Variants in ACTR3C observed in about 807,000 individuals in gnomAD.
ACTR3C encodes the protein actin related protein 3C.
ACTR3C carries 18 observed loss-of-function variants against 26.3 expected under a neutral mutation model. The observed-to-expected ratio is 0.68, with a 90% CI of 0.47 to 1.01. The LOEUF (loss-of-function observed/expected upper bound fraction) is 1.01, where lower values mean the gene tolerates loss of function less well. ACTR3C is among the 50% of genes least tolerant of loss of function. The probability of loss-of-function intolerance (pLI) is 0.00; values close to 1 mark genes in which losing one functional copy is unlikely to be tolerated. For synonymous variants in ACTR3C, 55 were observed against 94.5 expected, an observed-to-expected ratio of 0.58 and a Z score of 2.42; for missense variants, 184 against 250.7, an observed-to-expected ratio of 0.73 and a Z score of 1.80.
At chr7:150,029,426 A>AAAAAAC in the ACTR3C span, among the ~76,000 whole-genome samples, 20 of 129,608 alleles carry the variant, frequency 1.5e-4, no homozygotes, top group East Asian at 4.4e-4. Context: ...AACAAACAAA[A>AAAAAAC]AAAAACCATG....
the ACTR3C span, among the ~76,000 whole-genome samples, chr7:150,204,728 C>T: frequency 1.3e-5 from 2 of 151,832 alleles, no homozygotes; most frequent in Non-Finnish European, 1.5e-5. Context: ...TTGACGAGTG[C>T]AGAGGAGGAG....
chr7:150,000,350 A>T, the ACTR3C span, among the ~76,000 whole-genome samples: 4 of 120,994 alleles, frequency 3.3e-5, no homozygotes, highest in African/African-American at 9.2e-5. Flanking sequence ...ATCCATAATC[A>T]TTCTTATATA....
the ACTR3C span, among the ~76,000 whole-genome samples, chr7:150,130,000 AAT>A: frequency 6.6e-6 from 1 of 152,220 alleles, no homozygotes; most frequent in East Asian, 1.9e-4. Context: ...AATGGAACAG[AAT>A]AGAGTCCAGA....
the ACTR3C span, among the ~76,000 whole-genome samples, chr7:150,040,956 G>A: frequency 1.3e-5 from 2 of 150,340 alleles, 1 homozygote; most frequent in African/African-American, 5.0e-5. Context: ...TGCTGCCAAA[G>A]CCCTCAAATA....
the ACTR3C span, among the ~76,000 whole-genome samples, chr7:150,112,347 G>T: frequency 1.3e-5 from 2 of 152,206 alleles, no homozygotes; most frequent in Non-Finnish European, 2.9e-5. Context: ...ATGAATAACG[G>T]TAACACTGTC....
the ACTR3C span, among the ~76,000 whole-genome samples, chr7:149,998,169 C>T: frequency 6.6e-6 from 1 of 151,000 alleles, no homozygotes; most frequent in East Asian, 2.1e-4. Flanking sequence ...CTGTGGCAAG[C>T]AGAGCCAATC....
At chr7:150,207,628 GATAA>G in the ACTR3C span, among the ~76,000 whole-genome samples, 8,534 of 151,068 alleles carry the variant, frequency 0.056, 781 homozygotes, top group African/African-American at 0.2. Flanking sequence ...AAAAAGGGGA[GATAA>G]ATACTTACCT....
At chr7:150,297,851 C>CAAA (rs35970305) in intron 1 of ACTR3C, among the ~76,000 whole-genome samples, 50 of 86,862 alleles carry the variant, frequency 5.8e-4, no homozygotes, top group East Asian at 9.7e-4. Flanking sequence ...GACTCCGTCT[C>CAAA]AAAAAAAAAA....
At chr7:149,898,887 C>T in the ACTR3C span, among the ~76,000 whole-genome samples, 1 of 151,588 alleles carries the variant, frequency 6.6e-6, no homozygotes, top group Non-Finnish European at 1.5e-5. Flanking sequence ...AAGATGTGGC[C>T]CAAACAGTTC....
the ACTR3C span, among the ~76,000 whole-genome samples, chr7:150,142,382 A>G: frequency 6.6e-6 from 1 of 152,172 alleles, no homozygotes; most frequent in Non-Finnish European, 1.5e-5. Context: ...TCAGGACAAC[A>G]TTGGAAAAAT....
At chr7:150,267,776 C>T (rs1287641125) in intron 6 of ACTR3C, among the ~76,000 whole-genome samples, 1 of 152,156 alleles carries the variant, frequency 6.6e-6, no homozygotes, top group East Asian at 1.9e-4. Flanking sequence ...GAAGGGACTC[C>T]TGTATATGAA....
chr7:150,305,394 G>A (rs1189497190), intron 1 of ACTR3C, among the ~76,000 whole-genome samples: 1 of 152,058 alleles, frequency 6.6e-6, no homozygotes, highest in Non-Finnish European at 1.5e-5. Flanking sequence ...GACTCTGTGT[G>A]CCATAGGTGT....
intron 6 of ACTR3C, among the ~76,000 whole-genome samples, chr7:150,280,723 G>A (rs920360446): frequency 8.5e-5 from 13 of 152,072 alleles, no homozygotes; most frequent in East Asian, 7.8e-4. Context: ...ATTGTGGTAA[G>A]CATTCCACGA....
intron 6 of ACTR3C, among the ~76,000 whole-genome samples, chr7:150,279,147 A>C (rs1320593949): frequency 6.6e-6 from 1 of 152,080 alleles, no homozygotes; most frequent in Non-Finnish European, 1.5e-5. Flanking sequence ...TACAAAAAAA[A>C]ATTTTTAATT....
At chr7:150,054,949 T>C in the ACTR3C span, among the ~76,000 whole-genome samples, 68 of 152,346 alleles carry the variant, frequency 4.5e-4, 1 homozygote, top group Non-Finnish European at 2.6e-4. Context: ...ATAATGCTTT[T>C]CTTTTGTGAA....
the ACTR3C span, among the ~76,000 whole-genome samples, chr7:150,128,953 A>G: frequency 1.3e-5 from 2 of 150,920 alleles, no homozygotes; most frequent in Non-Finnish European, 3.0e-5. Context: ...CTGGTGGCCT[A>G]ATGAACTGAG....
intron 6 of ACTR3C, among the ~76,000 whole-genome samples, chr7:150,267,888 C>G (rs1834159633): frequency 6.6e-6 from 1 of 152,176 alleles, no homozygotes; most frequent in Non-Finnish European, 1.5e-5. Flanking sequence ...CCCTTCTGTA[C>G]CTTAACTGTG....
At chr7:150,085,621 G>C in the ACTR3C span, among the ~76,000 whole-genome samples, 35 of 152,260 alleles carry the variant, frequency 2.3e-4, no homozygotes, top group African/African-American at 7.7e-4. Context: ...ATGTCAATGG[G>C]AAAACAGTTT....
downstream of ACTR3C, among the ~76,000 whole-genome samples, chr7:150,241,913 A>G (rs143268147): frequency 0.035 from 5,329 of 152,146 alleles, 328 homozygotes; most frequent in African/African-American, 0.12. Flanking sequence ...GAGAATTAAA[A>G]CTGTATTAAG....
Sources: gnomAD v4.1 joint callset for allele counts (sites outside exome capture counted in the v4.1 genomes callset) on GRCh38, gnomAD v4.1.1 for gene constraint, MANE v1.5 for transcripts, NCBI Gene and HGNC (gene_info 2026-07-23, HGNC 2026-07-21) for gene names.